The following KYNU variants were observed in gnomAD, a reference collection of about 807,000 sequenced individuals.
KYNU encodes the protein kynureninase.
KYNU carries 54 observed loss-of-function variants against 59.2 expected under a neutral mutation model. That is an observed-to-expected ratio of 0.91 (90% CI 0.73 to 1.14). KYNU has a LOEUF of 1.14. Among genes scored for constraint, KYNU ranks in the 50% most tolerant of loss-of-function variants. The pLI is 0.00. For missense variants in KYNU, 567 were observed against 554.4 expected (o/e 1.02, Z -0.23); for synonymous variants, 177 against 192.0 (o/e 0.92, Z 0.65).
intron 4 of KYNU, among the ~76,000 whole-genome samples, chr2:142,939,602 C>CAAAAAAAAAAAAAAAAAAAAAAAA (rs71301737): frequency 3.1e-5 from 2 of 65,110 alleles, no homozygotes; most frequent in South Asian, 6.0e-4. Context: ...CTCCATCTCA[C>CAAAAAAAAAAAAAAAAAAAAAAAA]AAAAAAAAAA....
chr2:142,967,851 A>C (rs971909509), intron 8 of KYNU, among the ~76,000 whole-genome samples: 5 of 152,206 alleles, frequency 3.3e-5, no homozygotes, highest in African/African-American at 1.2e-4. Flanking sequence ...ATTACAGTAG[A>C]ATGATATCAA....
chr2:142,998,615 T>C (rs1328605705), intron 10 of KYNU, among the ~76,000 whole-genome samples: 1 of 152,196 alleles, frequency 6.6e-6, no homozygotes, highest in East Asian at 1.9e-4. Context: ...TCTAGGATCA[T>C]GCATTTTGAA....
At position 143,046,202 on chromosome 2, in the gene KYNU, C is replaced by A. The variant is rs1196454335; in HGVS notation, c.*4030C>A. On this transcript the variant is annotated 3_prime_UTR_variant, in exon 14 of 14. Transcript: ENST00000264170. ...ATATTTTGTTTTCTTCATTCCCTTA[C>A]TTTCTTTAAGTTTTACACCCATGTA... 6.6e-6 allele frequency: 1 copy of A among 152,128 alleles called. No individual in the cohort carries two copies. Among genetic ancestry groups the A allele is most frequent in the Non-Finnish European group, 1.5e-5 (1 of 67,998 alleles). The allele number at this position is 152,128 out of a possible 1,614,324, so 9.4% of individuals were successfully genotyped here.
intron 2 of KYNU, among the ~76,000 whole-genome samples, chr2:142,900,458 T>C (rs1383955309): frequency 6.6e-6 from 1 of 152,196 alleles, no homozygotes; most frequent in Non-Finnish European, 1.5e-5. Flanking sequence ...TGGGTTTATA[T>C]CCTGATCATT....
intron 10 of KYNU, chr2:142,989,943 C>T (rs2105169958): frequency 6.6e-6 from 1 of 151,882 alleles, no homozygotes; most frequent in African/African-American, 2.4e-5. Context: ...ATTTCACTTC[C>T]TTTTTTGTTT....
At chr2:142,879,903 A>T (rs1681232827) in intron 1 of KYNU, among the ~76,000 whole-genome samples, 1 of 152,280 alleles carries the variant, frequency 6.6e-6, no homozygotes, top group East Asian at 1.9e-4. Context: ...AAGTAACCCC[A>T]CTTAGAGTTT....
At chr2:142,979,813 A>G (rs1314131748) in intron 8 of KYNU, among the ~76,000 whole-genome samples, 1 of 152,062 alleles carries the variant, frequency 6.6e-6, no homozygotes, top group African/African-American at 2.4e-5. Flanking sequence ...ATAAATAGCT[A>G]TGTCACCAGA....
chr2:142,885,609 C>G (rs1318457004), intron 2 of KYNU, 73 bp downstream of exon 2: 2 of 1,277,182 alleles, frequency 1.6e-6, no homozygotes, highest in South Asian at 2.6e-5. Context: ...TTATTATAAT[C>G]TTTGAAAATC....
At chr2:142,927,825 A>T (rs1001015710) in intron 4 of KYNU, 84 bp downstream of exon 4, 1 of 925,926 alleles carries the variant, frequency 1.1e-6, no homozygotes, top group Non-Finnish European at 1.8e-6. Context: ...TAAAGTCAAA[A>T]TCTTATTGAA....
At chr2:142,880,679 T>C (rs150975435) in intron 1 of KYNU, among the ~76,000 whole-genome samples, 2 of 152,350 alleles carry the variant, frequency 1.3e-5, no homozygotes, top group East Asian at 1.9e-4. Context: ...CTAAACATCA[T>C]CACTGTTTGG....
chr2:142,974,191 G>A (rs930777791), intron 8 of KYNU, among the ~76,000 whole-genome samples: 2 of 152,224 alleles, frequency 1.3e-5, no homozygotes, highest in Non-Finnish European at 2.9e-5. Flanking sequence ...CACAGAAACT[G>A]TGGTCTGTGC....
At chr2:142,958,224 C>T (rs896250589) in intron 7 of KYNU, 1 of 157,310 alleles carries the variant, frequency 6.4e-6, no homozygotes, top group Non-Finnish European at 1.4e-5. Context: ...CTAATATTTC[C>T]AGTGAAATCT....
chr2:143,007,138 C>A (rs1022858409), intron 10 of KYNU, among the ~76,000 whole-genome samples: 1 of 151,546 alleles, frequency 6.6e-6, no homozygotes, highest in African/African-American at 2.4e-5. Flanking sequence ...AAACCAAAGG[C>A]AAAGAAGTTG....
At chr2:143,032,307 C>CAA (rs780866885) in intron 11 of KYNU, among the ~76,000 whole-genome samples, 6 of 149,274 alleles carry the variant, frequency 4.0e-5, no homozygotes, top group African/African-American at 1.5e-4. Flanking sequence ...AAAAACAAAA[C>CAA]AAAAAAAACT....
At chr2:142,924,915 C>T (rs1210686912) in intron 3 of KYNU, among the ~76,000 whole-genome samples, 1 of 152,174 alleles carries the variant, frequency 6.6e-6, no homozygotes, top group Non-Finnish European at 1.5e-5. Context: ...ATACATTTCA[C>T]TACCCCAGGC....
intron 10 of KYNU, among the ~76,000 whole-genome samples, chr2:143,005,174 A>G (rs1685833311): frequency 6.6e-6 from 1 of 152,206 alleles, no homozygotes; most frequent in African/African-American, 2.4e-5. Context: ...TGACACTAGC[A>G]AATTCATTAA....
chr2:142,926,113 C>T (rs1683038398), intron 3 of KYNU, among the ~76,000 whole-genome samples: 1 of 151,990 alleles, frequency 6.6e-6, no homozygotes, highest in Non-Finnish European at 1.5e-5. Flanking sequence ...GGGAACATCA[C>T]ACACTGGGGC....
intron 10 of KYNU, chr2:142,990,057 C>T (rs1016638739): frequency 5.9e-5 from 9 of 151,756 alleles, no homozygotes; most frequent in Admixed American, 3.3e-4. Flanking sequence ...AGTCAACGCA[C>T]GGCATTAAGC....
chr2:142,952,718 G>A (rs1165434391), intron 4 of KYNU, among the ~76,000 whole-genome samples: 1 of 152,082 alleles, frequency 6.6e-6, no homozygotes, highest in Non-Finnish European at 1.5e-5. Context: ...ATTTTAATCA[G>A]AATATAATAT....
Sources: allele counts gnomAD v4.1 joint callset (sites outside exome capture counted in the v4.1 genomes callset), GRCh38; gene constraint gnomAD v4.1.1; transcripts MANE v1.5; gene names NCBI Gene and HGNC (gene_info 2026-07-23, HGNC 2026-07-21).